The following DLG2 variants were observed in gnomAD, a reference collection of about 807,000 sequenced individuals.
DLG2 encodes disks large homolog 2.
Under a neutral mutation model 132.5 loss-of-function variants are expected in DLG2, and 45 were observed. The observed-to-expected ratio is 0.34, with a 90% confidence interval of 0.27 to 0.44. The LOEUF (loss-of-function observed/expected upper bound fraction) is 0.44. Among genes scored for constraint, DLG2 ranks in the 20% least tolerant of loss-of-function variants. The pLI is 1.00. For synonymous variants in DLG2, 424 were observed against 419.6 expected, an observed-to-expected ratio of 1.01 and a Z score of -0.13; for missense variants, 1,045 against 1,196.9, an observed-to-expected ratio of 0.87 and a Z score of 1.87.
chr11:84,683,756 G>C (rs2099735602), intron 6 of DLG2, among the ~76,000 whole-genome samples: 1 of 152,096 alleles, frequency 6.6e-6, no homozygotes, highest in Non-Finnish European at 1.5e-5. Context: ...GGAAGGATGG[G>C]TTTTGAGAAG....
chr11:85,492,422 A>G lies in DLG2; in HGVS notation c.40+106235T>C, dbSNP rs929339458. Among the ~76,000 whole-genome samples the G allele has an allele frequency of 2.0e-5, 3 of 152,200 alleles. No individual in the cohort carries two copies. The South Asian group carries it at 6.2e-4, about 31-fold the overall frequency. On this transcript the variant is annotated intron_variant, in intron 3 of 27. Coordinates refer to ENST00000376104, the MANE Select transcript of DLG2 (RefSeq NM_001142699.3). ...CACTAATATAGAGGAAGCTGTCTAG[A>G]TATACCATGGTTTTCTAAAAAAAAC...
intron 4 of DLG2, among the ~76,000 whole-genome samples, chr11:85,238,204 ATTTTATTTATTT>A (rs1485335446): frequency 7.5e-6 from 1 of 133,314 alleles, no homozygotes; most frequent in Non-Finnish European, 1.6e-5. Flanking sequence ...TTTTATTTTT[ATTTTATTTATTT>A]ATTTATTTAT....
chr11:83,877,011 A>G (rs2064945665), intron 15 of DLG2, among the ~76,000 whole-genome samples: 3 of 152,228 alleles, frequency 2.0e-5, no homozygotes, highest in East Asian at 1.9e-4. Context: ...GTTGATATCA[A>G]TTACTTTTTT....
intron 6 of DLG2, among the ~76,000 whole-genome samples, chr11:84,927,236 T>C (rs2047497570): frequency 1.3e-5 from 2 of 152,200 alleles, no homozygotes; most frequent in African/African-American, 2.4e-5. Context: ...TTCATATTGC[T>C]AGACATCTTT....
chr11:85,505,170 G>A (rs917254139), intron 3 of DLG2, among the ~76,000 whole-genome samples: 3 of 152,110 alleles, frequency 2.0e-5, no homozygotes, highest in Non-Finnish European at 4.4e-5. Context: ...CTGCAAACAG[G>A]AACAATTTGA....
intron 21 of DLG2, among the ~76,000 whole-genome samples, chr11:83,504,104 G>A (rs1024592493): frequency 6.6e-6 from 1 of 152,124 alleles, no homozygotes; most frequent in Non-Finnish European, 1.5e-5. Context: ...CTTAGTACAG[G>A]TTACATGCAC....
chr11:85,194,156 T>C (rs1442075625), intron 4 of DLG2, among the ~76,000 whole-genome samples: 1 of 152,242 alleles, frequency 6.6e-6, no homozygotes, highest in Non-Finnish European at 1.5e-5. Context: ...TCCTGGCTAC[T>C]TTCCTCCCAA....
chr11:84,434,013 A>C (rs1390711431), intron 7 of DLG2, among the ~76,000 whole-genome samples: 1 of 151,634 alleles, frequency 6.6e-6, no homozygotes, highest in Non-Finnish European at 1.5e-5. Context: ...AGCTACTCGG[A>C]AGGCTGCGGT....
chr11:84,906,679 A>C (rs1349851974), intron 6 of DLG2, among the ~76,000 whole-genome samples: 3 of 152,118 alleles, frequency 2.0e-5, no homozygotes, highest in Non-Finnish European at 4.4e-5. Context: ...TCGTAATCAA[A>C]TAATCAAAGA....
intron 6 of DLG2, among the ~76,000 whole-genome samples, chr11:84,969,952 G>A (rs2053840954): frequency 6.6e-6 from 1 of 152,134 alleles, no homozygotes; most frequent in Non-Finnish European, 1.5e-5. Flanking sequence ...TCACTCGTAA[G>A]TGGGAGTTGA....
chr11:84,889,155 A>G (rs1298250413), intron 6 of DLG2, among the ~76,000 whole-genome samples: 2 of 152,140 alleles, frequency 1.3e-5, no homozygotes, highest in African/African-American at 2.4e-5. Context: ...GGAGTCTACC[A>G]TGGCTTATCA....
intron 7 of DLG2, among the ~76,000 whole-genome samples, chr11:84,415,856 T>C (rs904478926): frequency 1.3e-5 from 2 of 152,206 alleles, no homozygotes; most frequent in Non-Finnish European, 2.9e-5. Flanking sequence ...ACTTCATATA[T>C]GCATTGAGAG....
chr11:84,743,543 A>C (rs1297964304), intron 6 of DLG2, among the ~76,000 whole-genome samples: 1 of 152,206 alleles, frequency 6.6e-6, no homozygotes, highest in Non-Finnish European at 1.5e-5. Context: ...CTGTCTCTCT[A>C]AAGAATTTAC....
intron 7 of DLG2, among the ~76,000 whole-genome samples, chr11:84,532,733 C>T (rs1031415751): frequency 3.3e-5 from 5 of 152,096 alleles, no homozygotes; most frequent in South Asian, 4.1e-4. Flanking sequence ...CTGGGATCAG[C>T]GGTCCTCCCA....
At chr11:84,646,448 G>A (rs1166709413) in intron 6 of DLG2, among the ~76,000 whole-genome samples, 1 of 151,996 alleles carries the variant, frequency 6.6e-6, no homozygotes, top group Non-Finnish European at 1.5e-5. Context: ...AACTTCCTTG[G>A]ACTTTAATTC....
intron 18 of DLG2, among the ~76,000 whole-genome samples, chr11:83,690,064 ATAT>A (rs938884554): frequency 1.4e-5 from 2 of 147,500 alleles, no homozygotes; most frequent in African/African-American, 2.5e-5. Flanking sequence ...TATACATAAA[ATAT>A]TATAAATTAT....
At chr11:84,225,298 C>T (rs766905907) in intron 8 of DLG2, among the ~76,000 whole-genome samples, 1 of 152,154 alleles carries the variant, frequency 6.6e-6, no homozygotes, top group Non-Finnish European at 1.5e-5. Flanking sequence ...TCTAAGTAGA[C>T]AAACATGCAT....
intron 3 of DLG2, among the ~76,000 whole-genome samples, chr11:85,288,955 TAACA>T (rs760034854): frequency 5.3e-5 from 8 of 152,064 alleles, no homozygotes; most frequent in African/African-American, 9.7e-5. Flanking sequence ...CTTCGAAACA[TAACA>T]AACAGTGATT....
chr11:84,787,541 G>C (rs2073120914), intron 6 of DLG2, among the ~76,000 whole-genome samples: 1 of 151,998 alleles, frequency 6.6e-6, no homozygotes, highest in Non-Finnish European at 1.5e-5. Context: ...TATTCCCTCT[G>C]TTCCACCTCT....
Sources: gnomAD v4.1 joint callset for allele counts (sites outside exome capture counted in the v4.1 genomes callset) on GRCh38, gnomAD v4.1.1 for gene constraint, MANE v1.5 for transcripts, NCBI Gene and HGNC (gene_info 2026-07-23, HGNC 2026-07-21) for gene names.